The following CNGA2 variants were observed in gnomAD, a reference collection of about 807,000 sequenced individuals.
CNGA2 encodes the protein cyclic nucleotide-gated channel alpha-2.
In CNGA2, 22 loss-of-function variants were observed where a neutral mutation model predicts 35.9. The observed-to-expected ratio is 0.61, with a 90% confidence interval of 0.44 to 0.88. The LOEUF (loss-of-function observed/expected upper bound fraction) is 0.88, where lower values mean the gene tolerates loss of function less well. Among genes scored for constraint, CNGA2 ranks in the 40% least tolerant of loss-of-function variants. The pLI is 0.00. For missense variants in CNGA2, 555 were observed against 530.8 expected, an observed-to-expected ratio of 1.05 and a Z score of -0.45; for synonymous variants, 217 against 209.2, an observed-to-expected ratio of 1.04 and a Z score of -0.32.
intron 1 of CNGA2, 67 bp from the exon 2 acceptor site, chrX:151,738,391 C>A: frequency 2.7e-6 from 2 of 739,480 alleles, no homozygotes; most frequent in South Asian, 2.4e-5. Flanking sequence ...TGTTCACTTG[C>A]CACTCTCCCA....
At position 151,737,272 on chromosome X, in the gene CNGA2, C is replaced by T. The variant is rs531804339; in HGVS notation, c.-26-1186C>T. 2.2e-3 allele frequency among the ~76,000 whole-genome samples: 248 copies of T among 112,243 alleles called. 4 individuals are homozygous for T. Among genetic ancestry groups the T allele is most frequent in the African/African-American group, 7.8e-3 (241 of 30,921 alleles). ...CAGCCCTGGCAGGGAAGAGCTCCTC[C>T]AAGTATCTCCTGACTCTGTGGCAAG... On this transcript the variant is annotated intron_variant, in intron 1 of 6. Transcript: ENST00000329903.
In CNGA2 at chrX:151,742,665, G is replaced by A. The variant is rs775085115; in HGVS notation, c.589+23G>A. ...CAGGTCAGTGAGCAACTGGGATGCA[G>A]GTAAATCCGAAGGCCTGAGTCCAAA... On this transcript the variant is annotated intron_variant, in intron 6 of 6. Transcript: ENST00000329903. The A allele has an allele frequency of 2.6e-6, 3 of 1,154,844 alleles. No homozygotes were observed. The East Asian group carries it at 9.1e-5, about 35-fold the overall frequency.
intron 3 of CNGA2, among the ~76,000 whole-genome samples, chrX:151,739,104 G>T (rs1240356496): frequency 8.9e-6 from 1 of 112,624 alleles, no homozygotes; most frequent in African/African-American, 3.2e-5. Context: ...ACATTTGGCT[G>T]TCTCAGCATC....
At chrX:151,738,433 T>C in intron 1 of CNGA2, 25 bp from the exon 2 acceptor site, 1 of 1,047,888 alleles carries the variant, frequency 9.5e-7, no homozygotes, top group East Asian at 3.0e-5. Context: ...CTCTGTGACC[T>C]TCTTCTTGGC....
In CNGA2 at chrX:151,743,372, C is replaced by T; in HGVS notation, c.869C>T (p.Ala290Val). ...LYILVIIHWNACIYYAISKSI... is the reference protein window; with the variant it reads ...LYILVIIHWNVCIYYAISKSI... Reference sequence around the variant, plus strand: ...ATCTTGGTCATCATCCACTGGAATGCCTGCATCTATTATGCCATCTCCAAA... The same window carrying T: ...ATCTTGGTCATCATCCACTGGAATGTCTGCATCTATTATGCCATCTCCAAA... Residue 290 changes from alanine to valine, a missense_variant, in exon 7 of 7, where the codon GCC becomes GTC. By Grantham distance (64) the Ala-to-Val change is moderately conservative. Coordinates refer to ENST00000329903, the MANE Select transcript of CNGA2 (RefSeq NM_005140.3). 2 of 1,210,333 alleles carry T rather than the reference C, an allele frequency of 1.7e-6. No individual in the cohort carries two copies. Among genetic ancestry groups the T allele is most frequent in the Non-Finnish European group, 1.1e-6 (1 of 895,329 alleles).
In CNGA2 at chrX:151,745,469, C is replaced by T. The variant is rs1230225906; in HGVS notation, c.*971C>T. ...TGTTCAAGTCCCTGATACAAAATGA[C>T]GTCGTATTTGAATATAACCTATGCA... On this transcript the variant is annotated 3_prime_UTR_variant, in exon 7 of 7. Transcript: ENST00000329903. Among the ~76,000 whole-genome samples the T allele has an allele frequency of 5.4e-5, 6 of 111,617 alleles. No homozygotes were observed. Among genetic ancestry groups the T allele is most frequent in the African/African-American group, 1.3e-4 (4 of 30,637 alleles).
At chrX:151,739,489 C>G in intron 3 of CNGA2, 73 bp from the exon 4 acceptor site, 1 of 1,043,929 alleles carries the variant, frequency 9.6e-7, no homozygotes, top group Non-Finnish European at 1.3e-6. Flanking sequence ...AGACAGTGAG[C>G]TCTTGGGGAC....
chrX:151,742,532 G>T lies in CNGA2; in HGVS notation c.483-4G>T, dbSNP rs183985672. On this transcript the variant is annotated splice_polypyrimidine_tract_variant and splice_region_variant and intron_variant, in intron 5 of 6. Transcript: ENST00000329903. ...GGGTGAAGCTTAGCCCTGTCCTCCC[G>T]CAGAGCCTGCTTCAGTGACCTACAG... The T allele has an allele frequency of 1.7e-6, 2 of 1,198,296 alleles. No homozygotes were observed. Among genetic ancestry groups the T allele is most frequent in the African/African-American group, 3.5e-5 (2 of 56,515 alleles).
At chrX:151,736,644 C>T (rs138095389) in intron 1 of CNGA2, among the ~76,000 whole-genome samples, 2,553 of 110,664 alleles carry the variant, frequency 0.023, 78 homozygotes, top group African/African-American at 0.079. Flanking sequence ...TTGTTTCCAG[C>T]AAGCAGCATG....
In CNGA2 at chrX:151,744,407, T is replaced by A; in HGVS notation, c.1904T>A (p.Val635Asp). 8 of 1,210,782 alleles carry A rather than the reference T, an allele frequency of 6.6e-6. No individual in the cohort carries two copies. The highest frequency in any genetic ancestry group is 8.9e-6 in the Non-Finnish European group (8 of 895,181). Residue 635 changes from valine (V) to aspartate (D), a missense_variant, in exon 7 of 7, where the codon GTT becomes GAT. Transcript: ENST00000329903. ...AQQKLKQRITVLETKMKQNNE... is the reference protein window; with the variant it reads ...AQQKLKQRITDLETKMKQNNE... The stretch of plus-strand genomic sequence containing the variant: ...CAGAAGCTCAAGCAGCGCATCACAG[T>A]TCTGGAAACCAAGATGAAACAGAAC...
rs934363082 is a variant in CNGA2 at position 151,744,869 on chromosome X, G to A, written c.*371G>A. 2 of 187,498 alleles carry A rather than the reference G, an allele frequency of 1.1e-5. No homozygotes were observed. 15.5% of individuals were successfully genotyped at this position (187,498 alleles called of 1,213,427 possible). ...GAATGCTTCCTTTTTCCCTGCACAC[G>A]CATGTACTTCGAGCACCGACTATAG... On this transcript the variant is annotated 3_prime_UTR_variant, in exon 7 of 7. Coordinates refer to ENST00000329903, the MANE Select transcript of CNGA2 (RefSeq NM_005140.3).
rs1028300916 is a variant in CNGA2 at position 151,739,436 on chromosome X, G to T, written c.204-126G>T. ...TTAGCACACGGGAAATCATGGTCTG[G>T]CCTGTTTGTAGGTTTCACTGTCCTT... On this transcript the variant is annotated intron_variant, in intron 3 of 6. Coordinates refer to ENST00000329903, the MANE Select transcript of CNGA2 (RefSeq NM_005140.3). The T allele has an allele frequency of 5.3e-6, 4 of 752,753 alleles. No homozygotes were observed. In the African/African-American group the frequency reaches 6.4e-5, roughly 12 times the overall value. The allele number at this position is 752,753 out of a possible 1,213,427, so 62.0% of individuals were successfully genotyped here.
intron 1 of CNGA2, among the ~76,000 whole-genome samples, chrX:151,737,130 C>T (rs899543347): frequency 3.6e-5 from 4 of 111,675 alleles, no homozygotes; most frequent in African/African-American, 1.3e-4. Flanking sequence ...CAAGCTTAGG[C>T]GGGGGTTGAG....
intron 1 of CNGA2, among the ~76,000 whole-genome samples, chrX:151,737,142 G>C (rs1255853797): frequency 1.8e-5 from 2 of 111,828 alleles, no homozygotes; most frequent in Admixed American, 1.9e-4. Context: ...GGGGTTGAGG[G>C]AGCTCCAGGG....
At chrX:151,737,823 G>T (rs764519801) in intron 1 of CNGA2, among the ~76,000 whole-genome samples, 1 of 107,885 alleles carries the variant, frequency 9.3e-6, no homozygotes, top group South Asian at 4.3e-4. Context: ...CTGCCGAGCA[G>T]CTCCAAGGCA....
In CNGA2 at chrX:151,739,641, C is replaced by T. The variant is rs1388188099; in HGVS notation, c.283C>T (p.Leu95Phe). The stretch of plus-strand genomic sequence containing the variant: ...GGAGGAACCTAGGCCTGACTCATTC[C>T]TCGAGCGTTTTCGTGGGCCTGAACT... ...REEEPRPDSFLERFRGPELQT... is the reference protein window; with the variant it reads ...REEEPRPDSFFERFRGPELQT... The change falls in exon 4 of 7, where the codon CTC becomes TTC. Residue 95 changes from leucine (L) to phenylalanine (F), a missense_variant. Transcript: ENST00000329903. 29 of 1,211,703 alleles carry T rather than the reference C, an allele frequency of 2.4e-5. No homozygotes were observed. Among genetic ancestry groups the T allele is most frequent in the Non-Finnish European group, 3.2e-5 (29 of 895,497 alleles).
intron 4 of CNGA2, 137 bp downstream of exon 4, chrX:151,739,869 C>A: frequency 1.5e-6 from 1 of 678,275 alleles, no homozygotes; most frequent in Non-Finnish European, 2.1e-6. Context: ...GGGTGATTTG[C>A]AATGTTTTCA....
chrX:151,739,853 G>A lies in CNGA2; in HGVS notation c.374+121G>A. 3.9e-6 allele frequency: 3 copies of A among 772,086 alleles called. No individual in the cohort carries two copies. In the South Asian group the frequency reaches 1.1e-4, roughly 28 times the overall value. The allele number at this position is 772,086 out of a possible 1,213,427, so 63.6% of individuals were successfully genotyped here. ...GCCCTGCTGTAGTAAAAAGAGTGGT[G>A]GGCAAGGGTGATTTGCAATGTTTTC... is the stretch of plus-strand genomic sequence containing the variant. On this transcript the variant is annotated intron_variant, in intron 4 of 6. Transcript: ENST00000329903.
rs1280420548 is a variant in CNGA2 at position 151,744,153 on chromosome X, C to T, written c.1650C>T (p.Cys550=). 1.2e-5 allele frequency: 14 copies of T among 1,210,483 alleles called. No individual in the cohort carries two copies. Among genetic ancestry groups the T allele is most frequent in the Non-Finnish European group, 1.6e-5 (14 of 895,198 alleles). The change falls in exon 7 of 7, where the codon TGC becomes TGT. Residue 550 remains cysteine (C), a synonymous_variant. Coordinates refer to ENST00000329903, the MANE Select transcript of CNGA2 (RefSeq NM_005140.3). ...GCCTGGGCTACTCAGATCTCTTCTG[C>T]TTGTCCAAGGATGATCTTATGGAAG... is the stretch of plus-strand genomic sequence containing the variant. ...IRSLGYSDLF[C]LSKDDLMEAV... is the part of the protein sequence containing the mutation.
Sources: allele counts gnomAD v4.1 joint callset (sites outside exome capture counted in the v4.1 genomes callset), GRCh38; gene constraint gnomAD v4.1.1; transcripts MANE v1.5; gene names NCBI Gene and HGNC (gene_info 2026-07-23, HGNC 2026-07-21).